The following PLCB3 variants were observed in gnomAD, a reference collection of about 807,000 sequenced individuals.
PLCB3 encodes 1-phosphatidylinositol 4,5-bisphosphate phosphodiesterase beta-3.
Under a neutral mutation model 152.1 loss-of-function variants are expected in PLCB3, and 54 were observed. That is an observed-to-expected ratio of 0.36 (90% CI 0.29 to 0.45). PLCB3 has a LOEUF of 0.45. PLCB3 is among the 20% of genes least tolerant of loss of function. PLCB3 has a pLI of 1.00. For missense variants in PLCB3, 1,248 were observed against 1,687.5 expected (o/e 0.74, Z 4.56); for synonymous variants, 717 against 698.7 (o/e 1.03, Z -0.41).
chr11:64,264,828 C>G, intron 22 of PLCB3, 123 bp from the exon 23 acceptor site: 1 of 856,660 alleles, frequency 1.2e-6, no homozygotes, highest in Non-Finnish European at 2.0e-6. Flanking sequence ...ACAGAGCAGT[C>G]CAGCAGTGGC....
intron 19 of PLCB3, 25 bp from the exon 20 acceptor site, chr11:64,263,473 G>T: frequency 2.0e-6 from 3 of 1,504,030 alleles, no homozygotes; most frequent in Non-Finnish European, 2.7e-6. Flanking sequence ...TCAGCCCTGT[G>T]GCTCAGCTCC....
chr11:64,255,616 G>A lies in PLCB3; in HGVS notation c.597G>A (p.Arg199=), dbSNP rs1343238636. The A allele has an allele frequency of 1.2e-6, 2 of 1,612,952 alleles. No homozygotes were observed. Among genetic ancestry groups the A allele is most frequent in the Non-Finnish European group, 1.7e-6 (2 of 1,179,346 alleles). ...AATCCTGTGGCCTCAAATTCAACCG[G>A]GTGTGTGGGGTGGGGACAGGGGCGG... ...ALESCGLKFN[R]SESIRPDEFS... Residue 199 remains arginine, a splice_region_variant and synonymous_variant, in exon 7 of 31, where the codon CGG becomes CGA. Transcript: ENST00000279230. This position sits in a 1 kb window ranked among gnomAD's most constrained non-coding sequence, Gnocchi z 6.8.
Position 64,254,337 on chromosome 11 carries a change from A to G in PLCB3, c.100-78A>G, listed in dbSNP as rs1744832607. The G allele has an allele frequency of 1.4e-5, 16 of 1,183,320 alleles. No homozygotes were observed. In the South Asian group the frequency reaches 1.8e-4, roughly 13 times the overall value. 73.3% of individuals were successfully genotyped at this position (1,183,320 alleles called of 1,614,324 possible). A position where few individuals can be genotyped will look rare whatever the true frequency, so the allele number is the denominator to read the frequency against. Reference sequence around the variant, plus strand: ...CTCATGGGCAGGAACTCTGGGGTGCATGATGGGAGGGCCCCAGGGGCCAGG... The same window carrying G: ...CTCATGGGCAGGAACTCTGGGGTGCGTGATGGGAGGGCCCCAGGGGCCAGG... On this transcript the variant is annotated intron_variant, in intron 1 of 30. Coordinates refer to ENST00000279230, the MANE Select transcript of PLCB3 (RefSeq NM_000932.5).
In PLCB3 at chr11:64,255,644, T is replaced by TGGGGGGGGGGGGGCAGGGGGGGGGGGG; in HGVS notation, c.597+32_597+33insGGGGGGGGGCAGGGGGGGGGGGGGGGG. The TGGGGGGGGGGGGGCAGGGGGGGGGGGG allele has an allele frequency of 2.2e-6, 2 of 890,158 alleles. No individual in the cohort carries two copies. Among genetic ancestry groups the TGGGGGGGGGGGGGCAGGGGGGGGGGGG allele is most frequent in the Non-Finnish European group, 3.4e-6 (2 of 582,104 alleles). 55.1% of individuals were successfully genotyped at this position (890,158 alleles called of 1,614,324 possible). A position where few individuals can be genotyped will look rare whatever the true frequency, so the allele number is the denominator to read the frequency against. On this transcript the variant is annotated intron_variant, in intron 7 of 30. Coordinates refer to ENST00000279230, the MANE Select transcript of PLCB3 (RefSeq NM_000932.5). This position sits in a 1 kb window ranked among gnomAD's most constrained non-coding sequence, Gnocchi z 6.8. ...GTGTGGGGTGGGGACAGGGGCGGGG[T>TGGGGGGGGGGGGGCAGGGGGGGGGGGG]GGGGTGTCACGGTGGGCACCCACCC...
intron 19 of PLCB3, 148 bp downstream of exon 19, chr11:64,262,956 G>A (rs2031930037): frequency 1.3e-6 from 1 of 759,596 alleles, no homozygotes; most frequent in Non-Finnish European, 2.1e-6. Context: ...GGACCTGCCT[G>A]TCCGAGCGTC....
chr11:64,262,198 C>T, intron 17 of PLCB3, 122 bp downstream of exon 17: 1 of 1,438,966 alleles, frequency 6.9e-7, no homozygotes, highest in East Asian at 2.3e-5. Flanking sequence ...CCCAGGGGAA[C>T]CCAGCTCCCG....
chr11:64,268,086 CCTT>C (rs768167856), downstream of PLCB3, among the ~76,000 whole-genome samples: 60 of 152,088 alleles, frequency 3.9e-4, no homozygotes, highest in Non-Finnish European at 8.5e-4. Flanking sequence ...GCTTCCGTGG[CCTT>C]CTGCTTGTGC....
Position 64,265,366 on chromosome 11 carries a change from C to G in PLCB3, c.2899C>G (p.Arg967Gly). 6.2e-7 allele frequency: 1 copy of G among 1,611,788 alleles called. No individual in the cohort carries two copies. The highest frequency in any genetic ancestry group is 8.5e-7 in the Non-Finnish European group (1 of 1,179,384). Reference sequence around the variant, plus strand: ...AGGTCACAAGGCTCTGGTCAAGCTCCGGAGCCGGCAAGAGCGAGACCTGCG... The same window carrying G: ...AGGTCACAAGGCTCTGGTCAAGCTCGGGAGCCGGCAAGAGCGAGACCTGCG... Reference protein sequence around the residue: ...LRGHKALVKLRSRQERDLREL... With the variant: ...LRGHKALVKLGSRQERDLREL... Residue 967 changes from arginine (R) to glycine (G), a missense_variant, in exon 25 of 31, where the codon CGG (arginine) becomes GGG (glycine). By Grantham distance (125) the Arg-to-Gly change is moderately radical. Around this residue, in one of 6 missense-constraint regions of PLCB3, gnomAD observed 477 missense variants for 489.6 expected, o/e 0.97. Coordinates refer to ENST00000279230, the MANE Select transcript of PLCB3 (RefSeq NM_000932.5).
At position 64,259,295 on chromosome 11, in the gene PLCB3, C is replaced by T. The variant is rs180675852; in HGVS notation, c.1525+51C>T. 4.7e-4 allele frequency: 642 copies of T among 1,368,812 alleles called. 1 individual carries two copies. In the African/African-American group the frequency reaches 8.4e-3, roughly 18 times the overall value. 84.8% of individuals were successfully genotyped at this position (1,368,812 alleles called of 1,614,324 possible). On this transcript the variant is annotated intron_variant, in intron 13 of 30. Coordinates refer to ENST00000279230, the MANE Select transcript of PLCB3 (RefSeq NM_000932.5). ...CTGACTTGACCCTAGCCTCTGGCCT[C>T]ATGCTCCAGGCGCCGTGACACTTCA... is the stretch of plus-strand genomic sequence containing the variant.
intron 10 of PLCB3, among the ~76,000 whole-genome samples, chr11:64,257,738 G>C (rs1260905979): frequency 6.6e-6 from 1 of 152,098 alleles, no homozygotes; most frequent in African/African-American, 2.4e-5. Flanking sequence ...TAAGCCCAGG[G>C]GCCTAGAGGC....
At position 64,267,478 on chromosome 11, in the gene PLCB3, CA is replaced by C; in HGVS notation, c.3629del (p.Asn1210ThrfsTer56). ...GDGPLVACAS[N>X]GHAPGSSGHL... ...ACGGGCCTCTGGTGGCCTGTGCCAG[CA>C]ACGGTCACGCACCCGGGAGCAGCGG... On this transcript the variant is annotated frameshift_variant, in exon 31 of 31. Transcript: ENST00000279230. LOFTEE classifies it high-confidence loss of function. This position sits in a 1 kb window ranked among gnomAD's most constrained non-coding sequence, Gnocchi z 5.2. 1 of 1,565,698 alleles carries C rather than the reference CA, an allele frequency of 6.4e-7. No individual in the cohort carries two copies. Among genetic ancestry groups the C allele is most frequent in the South Asian group, 1.2e-5 (1 of 85,828 alleles).
chr11:64,267,667 A>AT lies in PLCB3; in HGVS notation c.*118dup. On this transcript the variant is annotated 3_prime_UTR_variant, in exon 31 of 31. Coordinates refer to ENST00000279230, the MANE Select transcript of PLCB3 (RefSeq NM_000932.5). This position sits in a 1 kb window ranked among gnomAD's most constrained non-coding sequence, Gnocchi z 5.2. ...TTTTAACTTTTTATCTAGAAATTTT[A>AT]TTTTTTTAAACCCGGGGCAAGTACC... 1.1e-6 allele frequency: 1 copy of AT among 885,876 alleles called. No individual in the cohort carries two copies. The highest frequency in any genetic ancestry group is 1.6e-6 in the Non-Finnish European group (1 of 608,264). 54.9% of individuals were successfully genotyped at this position (885,876 alleles called of 1,614,324 possible). A position where few individuals can be genotyped will look rare whatever the true frequency, so the allele number is the denominator to read the frequency against.
intron 17 of PLCB3, 142 bp from the exon 18 acceptor site, chr11:64,262,265 C>A: frequency 7.8e-7 from 1 of 1,288,100 alleles, no homozygotes; most frequent in Non-Finnish European, 1.1e-6. Flanking sequence ...TCTGATCTGT[C>A]CTGGATCCGG....
rs758975064 is a variant in PLCB3 at position 64,261,381 on chromosome 11, C to T, written c.1732-19C>T. 4.4e-6 allele frequency: 7 copies of T among 1,602,482 alleles called. No homozygotes were observed. In the African/African-American group the frequency reaches 9.4e-5, roughly 21 times the overall value. On this transcript the variant is annotated intron_variant, in intron 14 of 30. Coordinates refer to ENST00000279230, the MANE Select transcript of PLCB3 (RefSeq NM_000932.5). ...CTGTGGCGGGAATGGCACTGCTGAC[C>T]CTGGGTTGGGGCCCACAGGGCACAG...
At chr11:64,259,403 T>G (rs1432506002) in intron 13 of PLCB3, among the ~76,000 whole-genome samples, 159 bp downstream of exon 13, 2 of 152,044 alleles carry the variant, frequency 1.3e-5, no homozygotes, top group Admixed American at 1.3e-4. Flanking sequence ...TGTCGGCTGG[T>G]GTGGGGCCTC....
chr11:64,264,232 C>T, intron 22 of PLCB3, 120 bp downstream of exon 22: 1 of 619,894 alleles, frequency 1.6e-6, no homozygotes, highest in Admixed American at 3.4e-5. Flanking sequence ...CTTGGCAGCC[C>T]TGGGATTTTG....
In PLCB3 at chr11:64,259,247, A is replaced by G; in HGVS notation, c.1525+3A>G. 6.6e-7 allele frequency: 1 copy of G among 1,520,486 alleles called. No individual in the cohort carries two copies. The highest frequency in any genetic ancestry group is 8.8e-7 in the Non-Finnish European group (1 of 1,133,678). The allele number at this position is 1,520,486 out of a possible 1,614,324, so 94.2% of individuals were successfully genotyped here. A position where few individuals can be genotyped will look rare whatever the true frequency, so the allele number is the denominator to read the frequency against. On this transcript the variant is annotated splice_donor_region_variant and intron_variant, in intron 13 of 30. Coordinates refer to ENST00000279230, the MANE Select transcript of PLCB3 (RefSeq NM_000932.5). ...CGAGCCCTCCTCCCCGCAGCTGGGT[A>G]GGCCCCAGCCCGGCCCGCCACCCTG...
At position 64,262,778 on chromosome 11, in the gene PLCB3, G is replaced by A; in HGVS notation, c.2325G>A (p.Val775=). 6.2e-7 allele frequency: 1 copy of A among 1,613,748 alleles called. No homozygotes were observed. The highest frequency in any genetic ancestry group is 8.5e-7 in the Non-Finnish European group (1 of 1,180,006). Residue 775 remains valine (V), a synonymous_variant, in exon 19 of 31, where the codon GTG becomes GTA. Coordinates refer to ENST00000279230, the MANE Select transcript of PLCB3 (RefSeq NM_000932.5). ...RTSQGNSFNP[V]WDEEPFDFPK... ...CTCAGGGGAACTCGTTCAACCCCGT[G>A]TGGGACGAAGAGCCCTTCGACTTCC...
rs1028403810 is a variant in PLCB3, at chr11:64,261,392, G to C, written c.1732-8G>C. 1.9e-6 allele frequency: 3 copies of C among 1,610,576 alleles called. No individual in the cohort carries two copies. In the African/African-American group the frequency reaches 4.0e-5, roughly 22 times the overall value. Reference sequence around the variant, plus strand: ...ATGGCACTGCTGACCCTGGGTTGGGGCCCACAGGGCACAGCCAGCAGCGAG... The same window carrying C: ...ATGGCACTGCTGACCCTGGGTTGGGCCCCACAGGGCACAGCCAGCAGCGAG... On this transcript the variant is annotated splice_region_variant and splice_polypyrimidine_tract_variant and intron_variant, in intron 14 of 30. Coordinates refer to ENST00000279230, the MANE Select transcript of PLCB3 (RefSeq NM_000932.5).
Sources: gnomAD v4.1 joint callset for allele counts (sites outside exome capture counted in the v4.1 genomes callset) on GRCh38, gnomAD v4.1.1 for gene constraint, gnomAD v4.1.1 regional missense constraint, Gnocchi (gnomAD v3.1) non-coding constraint, MANE v1.5 for transcripts, NCBI Gene and HGNC (gene_info 2026-07-23, HGNC 2026-07-21) for gene names.